The following NTSR2 variants were observed in gnomAD, a reference collection of about 807,000 sequenced individuals.
NTSR2 encodes the protein neurotensin receptor type 2.
In NTSR2, 22 loss-of-function variants were observed where a neutral mutation model predicts 24.1. The observed-to-expected ratio is 0.91, with a 90% CI of 0.65 to 1.30. The LOEUF is 1.30. Ranked by LOEUF, NTSR2 falls within the 50% of genes most tolerant of loss-of-function variation. The pLI, the probability that NTSR2 is intolerant of heterozygous loss-of-function variation, is 0.00. For synonymous variants in NTSR2, 291 were observed against 267.0 expected, an observed-to-expected ratio of 1.09 and a Z score of -0.88; for missense variants, 570 against 570.4, an observed-to-expected ratio of 1.00 and a Z score of 0.01.
chr2:11,665,329 T>G (rs1363730793), intron 1 of NTSR2: 1 of 151,866 alleles, frequency 6.6e-6, no homozygotes, highest in Non-Finnish European at 1.5e-5. Context: ...TAGTGCTGGC[T>G]TGTCATGGGG....
intron 2 of NTSR2, 129 bp from the exon 3 acceptor site, chr2:11,660,262 A>C (rs1333132414): frequency 2.9e-6 from 2 of 681,868 alleles, no homozygotes; most frequent in East Asian, 2.7e-5. Context: ...CCTGGAGTCA[A>C]GGGTTGGAAG....
In NTSR2 at chr2:11,660,508, G is replaced by A. The variant is rs185299339; in HGVS notation, c.899-375C>T. Among the ~76,000 whole-genome samples the A allele has an allele frequency of 2.7e-3, 409 of 152,306 alleles. 1 individual carries two copies. Among genetic ancestry groups the A allele is most frequent in the Middle Eastern group, 0.01 (3 of 294 alleles). ...GGGCCAGGCACGGTGGCTCATGCCT[G>A]TAATCCCAGCACTTTGGGAAGCCGA... On this transcript the variant is annotated intron_variant, in intron 2 of 3. Transcript: ENST00000306928.
chr2:11,660,457 G>A (rs552796921), intron 2 of NTSR2, among the ~76,000 whole-genome samples: 1 of 152,290 alleles, frequency 6.6e-6, no homozygotes, highest in African/African-American at 2.4e-5. Context: ...TTATCTATCT[G>A]CATATACAAC....
At chr2:11,667,523 T>C (rs767040343) in intron 1 of NTSR2, among the ~76,000 whole-genome samples, 2 of 152,078 alleles carry the variant, frequency 1.3e-5, no homozygotes, top group Non-Finnish European at 2.9e-5. Context: ...TATTTTATTT[T>C]TAGGAGAGAC....
Position 11,658,299 on chromosome 2 carries a change from C to G in NTSR2, c.*180G>C, listed in dbSNP as rs1660973204. ...TATCTCCACTACACAGACGAGGGAG[C>G]CTGAGGCTAGGAGGGGTCACGTGGC... On this transcript the variant is annotated 3_prime_UTR_variant, in exon 4 of 4. Transcript: ENST00000306928. 1 of 697,524 alleles carries G rather than the reference C, an allele frequency of 1.4e-6. No individual in the cohort carries two copies. Among genetic ancestry groups the G allele is most frequent in the Non-Finnish European group, 2.3e-6 (1 of 431,668 alleles). 43.2% of individuals were successfully genotyped at this position (697,524 alleles called of 1,614,324 possible).
At position 11,669,944 on chromosome 2, in the gene NTSR2, G is replaced by A. The variant is rs572448656; in HGVS notation, c.186C>T (p.Ala62=). 14 of 1,513,594 alleles carry A rather than the reference G, an allele frequency of 9.2e-6. No individual in the cohort carries two copies. The highest frequency in any genetic ancestry group is 7.1e-5 in the African/African-American group (5 of 70,606). The allele number at this position is 1,513,594 out of a possible 1,614,324, so 93.8% of individuals were successfully genotyped here. A position where few individuals can be genotyped will look rare whatever the true frequency, so the allele number is the denominator to read the frequency against. Residue 62 remains alanine, a synonymous_variant, in exon 1 of 4, where the codon GCC becomes GCT. Coordinates refer to ENST00000306928, the MANE Select transcript of NTSR2 (RefSeq NM_012344.4). ...LSAHVVLKAR[A]GRAGRLRHHV... is the part of the protein sequence containing the mutation. ...GGTGGCGCAGGCGCCCCGCGCGCCCGGCCCGCGCCTTCAGCACCACGTGCG... is the reference window on the plus strand; with the variant it reads ...GGTGGCGCAGGCGCCCCGCGCGCCCAGCCCGCGCCTTCAGCACCACGTGCG...
Position 11,658,379 on chromosome 2 carries a change from C to T in NTSR2, c.*100G>A, listed in dbSNP as rs371954886. The T allele has an allele frequency of 6.7e-7, 1 of 1,488,438 alleles. No homozygotes were observed. The allele number at this position is 1,488,438 out of a possible 1,614,324, so 92.2% of individuals were successfully genotyped here. On this transcript the variant is annotated 3_prime_UTR_variant, in exon 4 of 4. Coordinates refer to ENST00000306928, the MANE Select transcript of NTSR2 (RefSeq NM_012344.4). ...CAGGGGTTGATAGAAGTCGCCCTGG[C>T]TGCGAAGCTTGAATGATTAGTGATG...
intron 1 of NTSR2, among the ~76,000 whole-genome samples, chr2:11,667,358 A>AT (rs1164973503): frequency 1.3e-5 from 2 of 152,026 alleles, no homozygotes; most frequent in East Asian, 3.9e-4. Flanking sequence ...TTTAATTTTT[A>AT]TTTTTTGAGA....
At chr2:11,669,460 G>GGGGGGGGGGGGCCCCCCCCCC in intron 1 of NTSR2, 46 bp downstream of exon 1, 5 of 254,722 alleles carry the variant, frequency 2.0e-5, no homozygotes, top group African/African-American at 3.1e-5. Flanking sequence ...TCCCAGCACC[G>GGGGGGGGGGGGCCCCCCCCCC]CCCCCCCACC....
At chr2:11,660,280 T>G in intron 2 of NTSR2, 147 bp from the exon 3 acceptor site, 1 of 636,526 alleles carries the variant, frequency 1.6e-6, no homozygotes, top group Non-Finnish European at 2.8e-6. Context: ...AAGGAGGCTT[T>G]GAGGTTATCT....
chr2:11,659,905 G>A (rs777999172), intron 3 of NTSR2, 138 bp downstream of exon 3: 3 of 632,132 alleles, frequency 4.7e-6, no homozygotes, highest in Non-Finnish European at 8.5e-6. Context: ...GGCACAGACT[G>A]CACGGGACCA....
intron 1 of NTSR2, among the ~76,000 whole-genome samples, chr2:11,663,339 G>T (rs997370007): frequency 2.0e-5 from 3 of 152,122 alleles, no homozygotes; most frequent in Non-Finnish European, 2.9e-5. Flanking sequence ...ACTTCCCTAT[G>T]GTCCCCCTGT....
chr2:11,659,544 G>C (rs539323056), intron 3 of NTSR2, among the ~76,000 whole-genome samples: 1 of 152,354 alleles, frequency 6.6e-6, no homozygotes, highest in Admixed American at 6.5e-5. Flanking sequence ...TTGGATGTTT[G>C]ATTCCCACTT....
intron 1 of NTSR2, among the ~76,000 whole-genome samples, chr2:11,669,019 G>A (rs1425841202): frequency 6.6e-6 from 1 of 152,210 alleles, no homozygotes; most frequent in Non-Finnish European, 1.5e-5. Flanking sequence ...GAGGAGGCAA[G>A]GCTGCCAGGG....
At position 11,662,224 on chromosome 2, in the gene NTSR2, G is replaced by C; in HGVS notation, c.641C>G (p.Ser214Cys). Reference sequence around the variant, plus strand: ...AGTTAGTGCCAAGGGGAGCACGAAGGACACCAGCACATTCACCTGTGGAGG... The same window carrying C: ...AGTTAGTGCCAAGGGGAGCACGAAGCACACCAGCACATTCACCTGTGGAGG... ...QVFIQVNVLV[S>C]FVLPLALTAF... The change falls in exon 2 of 4, where the codon TCC (serine) becomes TGC (cysteine). Residue 214 changes from serine to cysteine, a missense_variant. By Grantham distance (112) the Ser-to-Cys change is moderately radical. Transcript: ENST00000306928. 1 of 1,530,350 alleles carries C rather than the reference G, an allele frequency of 6.5e-7. No homozygotes were observed. The highest frequency in any genetic ancestry group is 1.4e-5 in the African/African-American group (1 of 72,378). 94.8% of individuals were successfully genotyped at this position (1,530,350 alleles called of 1,614,324 possible). A position where few individuals can be genotyped will look rare whatever the true frequency, so the allele number is the denominator to read the frequency against.
intron 1 of NTSR2, among the ~76,000 whole-genome samples, chr2:11,664,438 C>T (rs923353379): frequency 6.6e-6 from 1 of 152,072 alleles, no homozygotes; most frequent in Admixed American, 6.6e-5. Flanking sequence ...ATATTTAATA[C>T]CACTTTAAAA....
chr2:11,667,582 T>G (rs1404863097), intron 1 of NTSR2, among the ~76,000 whole-genome samples: 1 of 152,204 alleles, frequency 6.6e-6, no homozygotes, highest in African/African-American at 2.4e-5. Flanking sequence ...TGGCCTCAAC[T>G]GATCCTCCTG....
intron 1 of NTSR2, among the ~76,000 whole-genome samples, chr2:11,666,259 A>T (rs967257333): frequency 6.6e-6 from 1 of 152,146 alleles, no homozygotes; most frequent in African/African-American, 2.4e-5. Context: ...GGCCACAGGG[A>T]CAGCTACTGT....
intron 3 of NTSR2, 115 bp downstream of exon 3, chr2:11,659,928 T>C: frequency 1.3e-6 from 1 of 756,234 alleles, no homozygotes; most frequent in South Asian, 1.7e-5. Context: ...TGGAATGCGG[T>C]CCAGGATTCC....
Sources: gnomAD v4.1 joint callset for allele counts (sites outside exome capture counted in the v4.1 genomes callset) on GRCh38, gnomAD v4.1.1 for gene constraint, MANE v1.5 for transcripts, NCBI Gene and HGNC (gene_info 2026-07-23, HGNC 2026-07-21) for gene names.